Variants in CLSTN1 observed in about 807,000 individuals in gnomAD.
The protein encoded by CLSTN1 is calsyntenin-1.
A neutral mutation model predicts 108.3 loss-of-function variants in CLSTN1; 28 were observed. The ratio of observed to expected loss-of-function variants is 0.26; its 90% CI spans 0.19 to 0.35. CLSTN1 has a LOEUF of 0.35. Ranked by LOEUF, CLSTN1 falls within the 10% of genes least tolerant of loss-of-function variation. The pLI, the probability that CLSTN1 is intolerant of heterozygous loss-of-function variation, is 1.00. For synonymous variants in CLSTN1, 524 were observed against 534.9 expected, an observed-to-expected ratio of 0.98 and a Z score of 0.28; for missense variants, 1,157 against 1,302.6, an observed-to-expected ratio of 0.89 and a Z score of 1.72.
At chr1:9,779,711 G>A (rs1653151873) in intron 1 of CLSTN1, among the ~76,000 whole-genome samples, 1 of 152,170 alleles carries the variant, frequency 6.6e-6, no homozygotes, top group Non-Finnish European at 1.5e-5. Flanking sequence ...ACAAGTGTGA[G>A]CTACAACATC....
chr1:9,788,561 G>A (rs1653603635), intron 1 of CLSTN1, among the ~76,000 whole-genome samples: 1 of 144,684 alleles, frequency 6.9e-6, no homozygotes, highest in African/African-American at 2.5e-5. Flanking sequence ...GAGTGAGACT[G>A]TTTCCAAAAA....
At chr1:9,808,707 G>T (rs553531614) in intron 1 of CLSTN1, among the ~76,000 whole-genome samples, 1 of 152,070 alleles carries the variant, frequency 6.6e-6, no homozygotes, top group African/African-American at 2.4e-5. Flanking sequence ...CGAGCTCTCA[G>T]GAAAAAGGCC....
Position 9,733,428 on chromosome 1 carries a change from G to A in CLSTN1, c.2400C>T (p.Arg800=). Residue 800 remains arginine (R), a synonymous_variant, in exon 16 of 19, where the codon CGC becomes CGT. Transcript: ENST00000377298. ...FKLICSELNG[R]YISNEFKVEV... ...CCACCTTAAATTCGTTGCTGATGTAGCGGCCATTCAGCTCTGAGCAGATGA... is the reference window on the plus strand; with the variant it reads ...CCACCTTAAATTCGTTGCTGATGTAACGGCCATTCAGCTCTGAGCAGATGA... 2 of 1,614,226 alleles carry A rather than the reference G, an allele frequency of 1.2e-6. 1 individual carries two copies. The highest frequency in any genetic ancestry group is 3.3e-5 in the Admixed American group (2 of 60,034).
chr1:9,780,630 T>C (rs1653196639), intron 1 of CLSTN1, among the ~76,000 whole-genome samples: 1 of 152,218 alleles, frequency 6.6e-6, no homozygotes, highest in Non-Finnish European at 1.5e-5. Flanking sequence ...ATTTTTAATA[T>C]TTCATCACAT....
chr1:9,747,297 C>T (rs184359356), intron 7 of CLSTN1, among the ~76,000 whole-genome samples: 7 of 149,686 alleles, frequency 4.7e-5, no homozygotes, highest in South Asian at 2.1e-4. Context: ...AAATGAGAGA[C>T]GGAATAAATT....
chr1:9,815,531 A>C (rs1392199518), intron 1 of CLSTN1, among the ~76,000 whole-genome samples: 1 of 152,228 alleles, frequency 6.6e-6, no homozygotes, highest in Non-Finnish European at 1.5e-5. Flanking sequence ...AAACTAGAAA[A>C]CTGTGAAATG....
At chr1:9,792,215 A>AC (rs942602682) in intron 1 of CLSTN1, among the ~76,000 whole-genome samples, 2 of 150,934 alleles carry the variant, frequency 1.3e-5, no homozygotes, top group Admixed American at 6.7e-5. Context: ...AACAACAACA[A>AC]AAAAAACAGG....
At position 9,823,658 on chromosome 1, in the gene CLSTN1, C is replaced by T; in HGVS notation, c.76G>A (p.Val26Ile). The change falls in exon 1 of 19, where the codon GTC (valine) becomes ATC (isoleucine). Residue 26 changes from valine (V) to isoleucine (I), a missense_variant. Physicochemically the swap from Val to Ile is conservative, Grantham distance 29. Transcript: ENST00000377298. The surrounding 1 kb of genome is among the most constrained non-coding windows in gnomAD (Gnocchi z 6.3). ...CGGGGCTTACCTCGCGCGGCCCAGA[C>T]CCCGCCGCCGCACAGCAGCCCGGCC... is the stretch of plus-strand genomic sequence containing the variant. ...LLAGLLCGGG[V>I]WAARVNKHKP... 8.5e-7 allele frequency: 1 copy of T among 1,179,206 alleles called. No homozygotes were observed. The highest frequency in any genetic ancestry group is 2.3e-4 in the Middle Eastern group (1 of 4,422). 73.0% of individuals were successfully genotyped at this position (1,179,206 alleles called of 1,614,324 possible). A position where few individuals can be genotyped will look rare whatever the true frequency, so the allele number is the denominator to read the frequency against.
chr1:9,804,846 C>T (rs761680157), intron 1 of CLSTN1, among the ~76,000 whole-genome samples: 6 of 151,666 alleles, frequency 4.0e-5, no homozygotes, highest in East Asian at 3.9e-4. Flanking sequence ...AAAGAAAGGC[C>T]GGGCACAGTG....
chr1:9,779,483 G>T (rs1413120733), intron 1 of CLSTN1, among the ~76,000 whole-genome samples: 1 of 152,136 alleles, frequency 6.6e-6, no homozygotes, highest in Non-Finnish European at 1.5e-5. Flanking sequence ...CTTGAACCCG[G>T]GAGGTGGAGG....
At position 9,729,340 on chromosome 1, in the gene CLSTN1, GTTTGTTTGCTC is replaced by G; in HGVS notation, c.*1157_*1167del. ...GCTATGTGGGTTTTAGACCATGACT[GTTTGTTTGCTC>G]TCCTGCCCTACCACCAAGCAAAGCA... On this transcript the variant is annotated 3_prime_UTR_variant, in exon 19 of 19. Coordinates refer to ENST00000377298, the MANE Select transcript of CLSTN1 (RefSeq NM_001009566.3). 6.6e-6 allele frequency: 1 copy of G among 152,350 alleles called. No homozygotes were observed. The highest frequency in any genetic ancestry group is 1.9e-4 in the East Asian group (1 of 5,192). The allele number at this position is 152,350 out of a possible 1,614,324, so 9.4% of individuals were successfully genotyped here. A position where few individuals can be genotyped will look rare whatever the true frequency, so the allele number is the denominator to read the frequency against.
intron 1 of CLSTN1, among the ~76,000 whole-genome samples, chr1:9,809,551 A>G (rs2101309387): frequency 6.6e-6 from 1 of 152,182 alleles, no homozygotes; most frequent in African/African-American, 2.4e-5. Context: ...GAGGTCAAGG[A>G]GGCTGGATCA....
In CLSTN1 at chr1:9,823,182, G is replaced by A. The variant is rs571380185; in HGVS notation, c.91+461C>T. 2.0e-5 allele frequency among the ~76,000 whole-genome samples: 3 copies of A among 152,312 alleles called. No homozygotes were observed. The highest frequency in any genetic ancestry group is 6.5e-5 in the Admixed American group (1 of 15,302). On this transcript the variant is annotated intron_variant, in intron 1 of 18. Coordinates refer to ENST00000377298, the MANE Select transcript of CLSTN1 (RefSeq NM_001009566.3). The surrounding 1 kb of genome is among the most constrained non-coding windows in gnomAD (Gnocchi z 6.3). ...GTAAGCACACACCAAAACTGTGCGT[G>A]CACCCCCCGCCTGATGCACATCTGA...
At chr1:9,757,851 C>A (rs528014139) in intron 2 of CLSTN1, among the ~76,000 whole-genome samples, 1 of 152,290 alleles carries the variant, frequency 6.6e-6, no homozygotes, top group East Asian at 1.9e-4. Context: ...ACTGGTGGCA[C>A]CTTCTCTCCC....
intron 17 of CLSTN1, 23 bp from the exon 18 acceptor site, chr1:9,731,413 G>A (rs780423920): frequency 2.5e-6 from 4 of 1,611,116 alleles, no homozygotes; most frequent in Non-Finnish European, 3.4e-6. Context: ...GAGGGGGCGG[G>A]ATGCGAGGTC....
rs1276298831 is a variant in CLSTN1, at chr1:9,735,140, G to A, written c.1918C>T (p.Pro640Ser). Residue 640 changes from proline (P) to serine (S), a missense_variant, in exon 14 of 19, where the codon CCG (proline) becomes TCG (serine). By Grantham distance (74) the Pro-to-Ser change is moderately conservative. Coordinates refer to ENST00000377298, the MANE Select transcript of CLSTN1 (RefSeq NM_001009566.3). ...AAAACCATCACGTAGCCATCTACCG[G>A]GGGGACCGAAATGCAGGTGGCCTCG... ...FNEATCISVP[P>S]VDGYVMVLQP... 6.2e-7 allele frequency: 1 copy of A among 1,614,084 alleles called. No individual in the cohort carries two copies.
At position 9,730,504 on chromosome 1, in the gene CLSTN1, C is replaced by A; in HGVS notation, c.*4G>T. On this transcript the variant is annotated 3_prime_UTR_variant, in exon 19 of 19. Transcript: ENST00000377298. This position sits in a 1 kb window ranked among gnomAD's most constrained non-coding sequence, Gnocchi z 5.6. ...GCAGAAACCGAGGTGGCCGGGGGCA[C>A]GGGTCAGTAGCTGAGGGTGGAGTCA... The A allele has an allele frequency of 6.2e-7, 1 of 1,601,968 alleles. No individual in the cohort carries two copies. Among genetic ancestry groups the A allele is most frequent in the Non-Finnish European group, 8.5e-7 (1 of 1,179,676 alleles).
At chr1:9,811,149 A>T (rs1222818184) in intron 1 of CLSTN1, among the ~76,000 whole-genome samples, 3 of 152,224 alleles carry the variant, frequency 2.0e-5, no homozygotes, top group African/African-American at 7.2e-5. Flanking sequence ...ACATTATTTC[A>T]TTCAAACAAA....
chr1:9,745,046 T>C (rs1010424619), intron 7 of CLSTN1, among the ~76,000 whole-genome samples: 2 of 152,118 alleles, frequency 1.3e-5, no homozygotes, highest in African/African-American at 4.8e-5. Flanking sequence ...GCCACCACGC[T>C]TGGCCCTTTC....
Sources: allele counts gnomAD v4.1 joint callset (sites outside exome capture counted in the v4.1 genomes callset), GRCh38; gene constraint gnomAD v4.1.1; non-coding constraint Gnocchi (gnomAD v3.1); transcripts MANE v1.5; gene names NCBI Gene and HGNC (gene_info 2026-07-23, HGNC 2026-07-21).